LLGL2: variants seen among roughly 807,000 people sequenced by gnomAD.
LLGL2 encodes the protein LLGL scribble cell polarity complex component 2.
In LLGL2, 81 loss-of-function variants were observed where a neutral mutation model predicts 123.2. The ratio of observed to expected loss-of-function variants is 0.66; its 90% CI spans 0.55 to 0.79. The LOEUF is 0.79. LLGL2 is among the 30% of genes least tolerant of loss of function. The probability of loss-of-function intolerance (pLI) is 0.00; values close to 1 mark genes in which losing one functional copy is unlikely to be tolerated. For synonymous variants in LLGL2, 577 were observed against 594.1 expected, an observed-to-expected ratio of 0.97 and a Z score of 0.42; for missense variants, 1,273 against 1,414.6, an observed-to-expected ratio of 0.90 and a Z score of 1.61.
At position 75,568,812 on chromosome 17, in the gene LLGL2, C is replaced by T; in HGVS notation, c.1295C>T (p.Pro432Leu). The change falls in exon 12 of 26, where the codon CCA becomes CTA. Residue 432 changes from proline to leucine, a missense_variant. Coordinates refer to ENST00000392550, the MANE Select transcript of LLGL2 (RefSeq NM_001031803.2). Reference protein sequence around the residue: ...IDGGTSLTPAPPQRDLLLTGH... With the variant: ...IDGGTSLTPALPQRDLLLTGH... ...GGTGGCACCAGCCTGACCCCAGCCC[C>T]ACCCCAGAGGGACCTGCTGCTCACA... 1 of 1,597,066 alleles carries T rather than the reference C, an allele frequency of 6.3e-7. No individual in the cohort carries two copies. Among genetic ancestry groups the T allele is most frequent in the Admixed American group, 1.7e-5 (1 of 59,040 alleles).
intron 1 of LLGL2, among the ~76,000 whole-genome samples, chr17:75,526,423 A>G (rs2053575026): frequency 6.6e-6 from 1 of 152,202 alleles, no homozygotes; most frequent in Admixed American, 6.5e-5. Flanking sequence ...TCTGCCCTCC[A>G]TGCTGACGGG....
Position 75,558,578 on chromosome 17 carries a change from G to T in LLGL2, c.322G>T (p.Ala108Ser), listed in dbSNP as rs765149693. ...HLWSLKVKGG[A>S]SELQEDESFT... ...TTGGAGCCTGAAGGTCAAGGGCGGGGCATCGGAGCTGCAGGAGGATGAGAG... is the reference window on the plus strand; with the variant it reads ...TTGGAGCCTGAAGGTCAAGGGCGGGTCATCGGAGCTGCAGGAGGATGAGAG... The change falls in exon 5 of 26, where the codon GCA (alanine) becomes TCA (serine). Residue 108 changes from alanine (A) to serine (S), a missense_variant. By Grantham distance (99) the Ala-to-Ser change is moderately conservative. Coordinates refer to ENST00000392550, the MANE Select transcript of LLGL2 (RefSeq NM_001031803.2). This position sits in a 1 kb window ranked among gnomAD's most constrained non-coding sequence, Gnocchi z 4.0. The T allele has an allele frequency of 1.9e-6, 3 of 1,611,738 alleles. No homozygotes were observed. Among genetic ancestry groups the T allele is most frequent in the South Asian group, 1.1e-5 (1 of 90,500 alleles).
Position 75,564,706 on chromosome 17 carries a change from A to G in LLGL2, c.1036+199A>G. The G allele has an allele frequency of 1.2e-6, 1 of 860,350 alleles. No homozygotes were observed. Among genetic ancestry groups the G allele is most frequent in the Non-Finnish European group, 1.7e-6 (1 of 595,616 alleles). 53.3% of individuals were successfully genotyped at this position (860,350 alleles called of 1,614,324 possible). ...AGGGAGACCCTTGTCTCTACAAAAA[A>G]TAAAAAAATTAGCCAGGTGTTGTGG... is the stretch of plus-strand genomic sequence containing the variant. On this transcript the variant is annotated intron_variant, in intron 10 of 25. Coordinates refer to ENST00000392550, the MANE Select transcript of LLGL2 (RefSeq NM_001031803.2). This position sits in a 1 kb window ranked among gnomAD's most constrained non-coding sequence, Gnocchi z 4.9.
chr17:75,530,099 C>A (rs937554806), intron 1 of LLGL2, among the ~76,000 whole-genome samples: 1 of 152,186 alleles, frequency 6.6e-6, no homozygotes, highest in African/African-American at 2.4e-5. Context: ...AAGAGGCATC[C>A]GTCTGTCCCA....
intron 1 of LLGL2, among the ~76,000 whole-genome samples, chr17:75,535,132 A>G (rs944276483): frequency 1.3e-5 from 2 of 152,188 alleles, no homozygotes; most frequent in Admixed American, 1.3e-4. Flanking sequence ...CTGAGTTGGC[A>G]CAGATGCCGC....
In LLGL2 at chr17:75,573,735, G is replaced by C. The variant is rs557771452; in HGVS notation, c.2876+104G>C. The C allele has an allele frequency of 5.3e-6, 6 of 1,129,188 alleles. No individual in the cohort carries two copies. In the East Asian group the frequency reaches 2.6e-4, roughly 48 times the overall value. 69.9% of individuals were successfully genotyped at this position (1,129,188 alleles called of 1,614,324 possible). ...TGCCTGGCTGGAGGCACCTCCCCAC[G>C]AGCTCAGCCCACCCTCCCAGGCTCC... On this transcript the variant is annotated intron_variant, in intron 21 of 25. Coordinates refer to ENST00000392550, the MANE Select transcript of LLGL2 (RefSeq NM_001031803.2).
intron 1 of LLGL2, chr17:75,542,598 G>A (rs2054256896): frequency 6.6e-6 from 1 of 152,278 alleles, no homozygotes; most frequent in African/African-American, 2.4e-5. Context: ...AGAGTTTAGG[G>A]GCCTTGAGCT....
Position 75,574,887 on chromosome 17 carries a change from G to C in LLGL2, c.*9G>C, listed in dbSNP as rs1259584316. On this transcript the variant is annotated 3_prime_UTR_variant, in exon 26 of 26. Transcript: ENST00000392550. ...GTCCTTCAGCAGAGTGAGTGGCTGA[G>C]CGTCCAGGCTGCGCGATGAGCACAC... 63 of 1,613,908 alleles carry C rather than the reference G, an allele frequency of 3.9e-5. No homozygotes were observed. Among genetic ancestry groups the C allele is most frequent in the Non-Finnish European group, 5.1e-5 (60 of 1,179,982 alleles).
chr17:75,544,427 A>G lies in LLGL2; in HGVS notation c.75+926A>G, dbSNP rs1171057744. The stretch of plus-strand genomic sequence containing the variant: ...TGAGACCAGACAGTCTGGAAAAGGG[A>G]TGTCTCCCTGTGGAGAATGAGGAAG... On this transcript the variant is annotated intron_variant, in intron 2 of 25. Coordinates refer to ENST00000392550, the MANE Select transcript of LLGL2 (RefSeq NM_001031803.2). The surrounding 1 kb of genome is among the most constrained non-coding windows in gnomAD (Gnocchi z 4.2). Among the ~76,000 whole-genome samples, 1 of 152,198 alleles carries G rather than the reference A, an allele frequency of 6.6e-6. No individual in the cohort carries two copies. The highest frequency in any genetic ancestry group is 1.5e-5 in the Non-Finnish European group (1 of 68,030).
chr17:75,563,795 C>T lies in LLGL2; in HGVS notation c.870C>T (p.Thr290=), dbSNP rs144751058. ...CGATTACCAGAATCCTCTGGCTGAC[C>T]ACTAGGCAGGGGTAGGTATCCATGC... ...CKAITRILWL[T]TRQGLPFTIF... is the part of the protein sequence containing the mutation. Residue 290 remains threonine (T), a synonymous_variant, in exon 9 of 26, where the codon ACC becomes ACT. Coordinates refer to ENST00000392550, the MANE Select transcript of LLGL2 (RefSeq NM_001031803.2). The T allele has an allele frequency of 1.2e-6, 2 of 1,613,846 alleles. No homozygotes were observed. Among genetic ancestry groups the T allele is most frequent in the Non-Finnish European group, 1.7e-6 (2 of 1,180,012 alleles).
intron 1 of LLGL2, among the ~76,000 whole-genome samples, chr17:75,532,966 C>T (rs2053857681): frequency 6.6e-6 from 1 of 152,156 alleles, no homozygotes; most frequent in Non-Finnish European, 1.5e-5. Flanking sequence ...TAGTTAATCC[C>T]TAGTCAGTCT....
At chr17:75,569,422 G>A in intron 14 of LLGL2, 97 bp downstream of exon 14, 1 of 1,026,232 alleles carries the variant, frequency 9.7e-7, no homozygotes, top group Admixed American at 1.9e-5. Flanking sequence ...CGCACATTCT[G>A]TGTCCTTTGC....
Position 75,561,306 on chromosome 17 carries a change from C to CT in LLGL2, c.531-1709dup, listed in dbSNP as rs1344952771. 2.0e-5 allele frequency among the ~76,000 whole-genome samples: 3 copies of CT among 152,282 alleles called. No homozygotes were observed. In the East Asian group the frequency reaches 5.8e-4, roughly 29 times the overall value. On this transcript the variant is annotated intron_variant, in intron 6 of 25. Coordinates refer to ENST00000392550, the MANE Select transcript of LLGL2 (RefSeq NM_001031803.2). ...AAAAAGTTGGAAGCCCTCTAATTGT[C>CT]TAACAATTTTCATCTGTGTAAGGAC...
intron 2 of LLGL2, among the ~76,000 whole-genome samples, chr17:75,548,025 A>G (rs2054503083): frequency 6.6e-6 from 1 of 152,196 alleles, no homozygotes; most frequent in African/African-American, 2.4e-5. Flanking sequence ...AAATGCTCCA[A>G]AATCTGAGTT....
intron 21 of LLGL2, 105 bp downstream of exon 21, chr17:75,573,736 A>G: frequency 8.5e-7 from 1 of 1,174,682 alleles, no homozygotes; most frequent in South Asian, 1.4e-5. Flanking sequence ...CCTCCCCACG[A>G]GCTCAGCCCA....
intron 1 of LLGL2, among the ~76,000 whole-genome samples, chr17:75,528,623 A>G (rs1051064887): frequency 1.1e-4 from 17 of 152,138 alleles, no homozygotes; most frequent in Admixed American, 2.6e-4. Context: ...CTGTAATCCC[A>G]GCTACTCAGG....
intron 10 of LLGL2, among the ~76,000 whole-genome samples, chr17:75,566,546 C>T (rs76507861): frequency 0.011 from 1,632 of 152,324 alleles, 8 homozygotes; most frequent in Non-Finnish European, 0.017. Context: ...GCTACTCAGC[C>T]TAATGCCATT....
chr17:75,553,280 G>A (rs1259158833), intron 2 of LLGL2, among the ~76,000 whole-genome samples: 1 of 152,204 alleles, frequency 6.6e-6, no homozygotes, highest in Admixed American at 6.5e-5. Context: ...ACCATTTGCA[G>A]GGCAGGCCCT....
chr17:75,563,885 G>A, intron 9 of LLGL2, 79 bp downstream of exon 9: 2 of 1,437,034 alleles, frequency 1.4e-6, no homozygotes, highest in Non-Finnish European at 2.0e-6. Context: ...CTCTGCCTGG[G>A]AAGTTGGTGC....
Sources: allele counts gnomAD v4.1 joint callset (sites outside exome capture counted in the v4.1 genomes callset), GRCh38; gene constraint gnomAD v4.1.1; non-coding constraint Gnocchi (gnomAD v3.1); transcripts MANE v1.5; gene names NCBI Gene and HGNC (gene_info 2026-07-23, HGNC 2026-07-21).